Variants in PHKA2 observed in about 807,000 individuals in gnomAD.
PHKA2 encodes phosphorylase b kinase regulatory subunit alpha, liver isoform.
Under a neutral mutation model 102.0 loss-of-function variants are expected in PHKA2, and 31 were observed. The observed-to-expected ratio is 0.30, with a 90% CI of 0.23 to 0.41. The LOEUF (loss-of-function observed/expected upper bound fraction) is 0.41. Ranked by LOEUF, PHKA2 falls within the 10% of genes least tolerant of loss-of-function variation. The pLI is 1.00. For synonymous variants in PHKA2, 455 were observed against 416.2 expected, an observed-to-expected ratio of 1.09 and a Z score of -1.13; for missense variants, 858 against 1,023.1, an observed-to-expected ratio of 0.84 and a Z score of 2.20.
At chrX:18,938,779 G>A (rs1201955346) in intron 9 of PHKA2, 30 bp from the exon 10 acceptor site, 3 of 1,162,506 alleles carry the variant, frequency 2.6e-6, no homozygotes, top group Non-Finnish European at 3.5e-6. Flanking sequence ...ACTTTTAAAA[G>A]GTGATGTCAG....
chrX:18,917,004 A>G (rs1287660208), intron 19 of PHKA2, among the ~76,000 whole-genome samples: 2 of 108,565 alleles, frequency 1.8e-5, no homozygotes, highest in African/African-American at 6.8e-5. Context: ...ACTCCCAAGT[A>G]GCTGGGACTA....
rs764703712 is a variant in PHKA2, at chrX:18,901,655, C to T, written c.2909-52G>A. 5 of 851,176 alleles carry T rather than the reference C, an allele frequency of 5.9e-6. No individual in the cohort carries two copies. In the South Asian group the frequency reaches 1.0e-4, roughly 17 times the overall value. 70.1% of individuals were successfully genotyped at this position (851,176 alleles called of 1,213,427 possible). ...TCTCAGGAACTCTACAGCATCCAAC[C>T]CGAGGCAGGATCTGCCCCTGTCTCC... On this transcript the variant is annotated intron_variant, in intron 26 of 32. Transcript: ENST00000379942.
chrX:18,914,924 C>T (rs1380509754), intron 19 of PHKA2, among the ~76,000 whole-genome samples: 1 of 111,399 alleles, frequency 9.0e-6, no homozygotes, highest in Non-Finnish European at 1.9e-5. Context: ...GGAGGACGCT[C>T]ATGTGGAAGA....
Position 18,954,164 on chromosome X carries a change from G to C in PHKA2, c.237+90C>G, listed in dbSNP as rs2048740876. ...TAGAGGAGAGGCCTACACCCAAACA[G>C]TTCTGCACACACAGCTACTTCTCTG... On this transcript the variant is annotated intron_variant, in intron 2 of 32. Transcript: ENST00000379942. 1.2e-5 allele frequency: 12 copies of C among 977,914 alleles called. No individual in the cohort carries two copies. The South Asian group carries it at 2.3e-4, about 19-fold the overall frequency. 80.6% of individuals were successfully genotyped at this position (977,914 alleles called of 1,213,427 possible). A position where few individuals can be genotyped will look rare whatever the true frequency, so the allele number is the denominator to read the frequency against.
At chrX:18,913,780 T>A (rs972246573) in intron 19 of PHKA2, among the ~76,000 whole-genome samples, 2 of 112,219 alleles carry the variant, frequency 1.8e-5, no homozygotes, top group Non-Finnish European at 3.8e-5. Flanking sequence ...AAACTTTTTT[T>A]AAAAAATGAA....
At chrX:18,959,785 G>A (rs2048842240) in intron 1 of PHKA2, among the ~76,000 whole-genome samples, 1 of 111,355 alleles carries the variant, frequency 9.0e-6, no homozygotes, top group Admixed American at 9.6e-5. Flanking sequence ...TCTAGATATG[G>A]CAACTCAGAG....
In PHKA2 at chrX:18,906,509, C is replaced by T. The variant is rs1448884411; in HGVS notation, c.2792G>A (p.Ser931Asn). 1 of 1,212,182 alleles carries T rather than the reference C, an allele frequency of 8.2e-7. No individual in the cohort carries two copies. The highest frequency in any genetic ancestry group is 2.2e-5 in the Admixed American group (1 of 46,151). ...GGGCATCTCACCTGAGCAGTTCAGGCTCCGTGCCAGCTCCGTGGCCATCAC... is the reference window on the plus strand; with the variant it reads ...GGGCATCTCACCTGAGCAGTTCAGGTTCCGTGCCAGCTCCGTGGCCATCAC... ...IQVMATELAR[S>N]LNCSGEEASE... Residue 931 changes from serine (S) to asparagine (N), a missense_variant, in exon 25 of 33, where the codon AGC becomes AAC. Around this residue, in one of 2 missense-constraint regions of PHKA2, gnomAD observed 671 missense variants for 745.2 expected, o/e 0.90. Transcript: ENST00000379942.
rs1167695211 is a variant in PHKA2, at chrX:18,908,167, T to C, written c.2361-111A>G. 6 of 752,917 alleles carry C rather than the reference T, an allele frequency of 8.0e-6. No homozygotes were observed. In the East Asian group the frequency reaches 9.5e-5, roughly 12 times the overall value. 62.0% of individuals were successfully genotyped at this position (752,917 alleles called of 1,213,427 possible). Reference sequence around the variant, plus strand: ...CTTGGGCTCTCCCAGTGCCCCTGAGTCTCACTGAGAGGGTTACGCCCGACC... The same window carrying C: ...CTTGGGCTCTCCCAGTGCCCCTGAGCCTCACTGAGAGGGTTACGCCCGACC... On this transcript the variant is annotated intron_variant, in intron 21 of 32. Transcript: ENST00000379942.
chrX:18,938,599 A>C (rs756697346), intron 10 of PHKA2, 28 bp downstream of exon 10: 1 of 1,179,621 alleles, frequency 8.5e-7, no homozygotes, highest in African/African-American at 1.8e-5. Context: ...GAAAATAATT[A>C]TCAACGTAAC....
chrX:18,935,867 C>T lies in PHKA2; in HGVS notation c.1137+188G>A, dbSNP rs547153241. Among the ~76,000 whole-genome samples the T allele has an allele frequency of 3.4e-4, 37 of 109,928 alleles. 1 individual carries two copies. In the South Asian group the frequency reaches 0.014, roughly 41 times the overall value. On this transcript the variant is annotated intron_variant, in intron 11 of 32. Coordinates refer to ENST00000379942, the MANE Select transcript of PHKA2 (RefSeq NM_000292.3). The stretch of plus-strand genomic sequence containing the variant: ...CTGACCACAAGTAATCCACCCGCCT[C>T]AGCCTCCCAAAGTGCTGGGATTACA...
At chrX:18,940,685 A>G (rs1337197899) in intron 8 of PHKA2, among the ~76,000 whole-genome samples, 1 of 111,720 alleles carries the variant, frequency 9.0e-6, no homozygotes, top group Non-Finnish European at 1.9e-5. Context: ...TCCATTCTCC[A>G]GTTCCGTAAG....
rs1427992125 is a variant in PHKA2 at position 18,893,340 on chromosome X, T to C, written c.*145A>G. The stretch of plus-strand genomic sequence containing the variant: ...GCTTTAACATACATCAGTTTCAGGG[T>C]GAGTGCTACCATTGCCCCCCGAGAG... On this transcript the variant is annotated 3_prime_UTR_variant, in exon 33 of 33. Transcript: ENST00000379942. The C allele has an allele frequency of 1.4e-5, 8 of 585,995 alleles. No homozygotes were observed. Among genetic ancestry groups the C allele is most frequent in the Non-Finnish European group, 1.2e-5 (4 of 346,807 alleles). The allele number at this position is 585,995 out of a possible 1,213,427, so 48.3% of individuals were successfully genotyped here.
intron 10 of PHKA2, among the ~76,000 whole-genome samples, chrX:18,937,703 G>C (rs961771934): frequency 8.9e-6 from 1 of 112,186 alleles, no homozygotes; most frequent in African/African-American, 3.2e-5. Context: ...ACTAAGAAAT[G>C]AGGCTACAGG....
At chrX:18,961,432 G>T (rs1370358088) in intron 1 of PHKA2, among the ~76,000 whole-genome samples, 1 of 110,664 alleles carries the variant, frequency 9.0e-6, no homozygotes. Context: ...GGCCGAGGCG[G>T]GTGGATCATG....
Position 18,924,146 on chromosome X carries a change from A to G in PHKA2, c.1715-12T>C. 8.5e-7 allele frequency: 1 copy of G among 1,174,379 alleles called. No individual in the cohort carries two copies. The highest frequency in any genetic ancestry group is 1.2e-6 in the Non-Finnish European group (1 of 861,170). On this transcript the variant is annotated splice_polypyrimidine_tract_variant and intron_variant, in intron 16 of 32. Transcript: ENST00000379942. ...TGAGCCATCATTTGCTAAGGAAAAA[A>G]AGTGATGAATTAGTTTAGTCTGGGC...
At chrX:18,979,506 G>GA (rs1267042362) in intron 1 of PHKA2, among the ~76,000 whole-genome samples, 3 of 111,284 alleles carry the variant, frequency 2.7e-5, no homozygotes, top group Admixed American at 9.6e-5. Flanking sequence ...AGCTGTTAGT[G>GA]AAAAAAATGT....
At chrX:18,921,966 G>T (rs903756460) in intron 17 of PHKA2, among the ~76,000 whole-genome samples, 1 of 112,670 alleles carries the variant, frequency 8.9e-6, no homozygotes, top group Non-Finnish European at 1.9e-5. Flanking sequence ...TTATTTTGCG[G>T]CTGGGCACAG....
chrX:18,933,676 C>T (rs890843300), intron 11 of PHKA2, among the ~76,000 whole-genome samples: 1 of 112,199 alleles, frequency 8.9e-6, no homozygotes, highest in African/African-American at 3.2e-5. Flanking sequence ...AGAAATCCTT[C>T]CTGGTGGTCT....
At chrX:18,952,744 C>G (rs1164118188) in intron 2 of PHKA2, among the ~76,000 whole-genome samples, 2 of 112,487 alleles carry the variant, frequency 1.8e-5, no homozygotes, top group Non-Finnish European at 3.8e-5. Flanking sequence ...AGTGACTTAT[C>G]TCAAATAAAG....
Sources: allele counts gnomAD v4.1 joint callset (sites outside exome capture counted in the v4.1 genomes callset), GRCh38; gene constraint gnomAD v4.1.1; regional missense constraint gnomAD v4.1.1; transcripts MANE v1.5; gene names NCBI Gene and HGNC (gene_info 2026-07-23, HGNC 2026-07-21).